The following CFAP47 variants were observed in gnomAD, a reference collection of about 807,000 sequenced individuals.
CFAP47 encodes cilia and flagella associated protein 47, also known as cilia- and flagella-associated protein 47.
CFAP47 carries 29 observed loss-of-function variants against 148.1 expected under a neutral mutation model. The ratio of observed to expected loss-of-function variants is 0.20; its 90% CI spans 0.15 to 0.27. CFAP47 has a LOEUF of 0.27. CFAP47 is among the 10% of genes least tolerant of loss of function. The probability of loss-of-function intolerance (pLI) is 1.00; values close to 1 mark genes in which losing one functional copy is unlikely to be tolerated. For missense variants in CFAP47, 1,872 were observed against 1,697.5 expected, an observed-to-expected ratio of 1.10 and a Z score of -1.81; for synonymous variants, 664 against 577.3, an observed-to-expected ratio of 1.15 and a Z score of -2.15.
chrX:36,325,031 C>T (rs1941506721), intron 57 of CFAP47, among the ~76,000 whole-genome samples: 1 of 111,254 alleles, frequency 9.0e-6, no homozygotes, highest in Non-Finnish European at 1.9e-5. Flanking sequence ...TTCCTTTTGA[C>T]ATTCCTAATC....
intron 37 of CFAP47, 48 bp from the exon 38 acceptor site, chrX:36,159,378 G>A (rs1427700588): frequency 6.8e-6 from 2 of 293,817 alleles, no homozygotes; most frequent in Admixed American, 6.2e-5. Context: ...ATGCTTGTAA[G>A]TTGTCTTTTT....
intron 45 of CFAP47, among the ~76,000 whole-genome samples, chrX:36,207,463 T>G (rs1402688431): frequency 5.4e-5 from 6 of 111,054 alleles, no homozygotes; most frequent in African/African-American, 2.0e-4. Context: ...AAGAAGCTAG[T>G]TTTAAGGTAT....
intron 48 of CFAP47, among the ~76,000 whole-genome samples, chrX:36,251,048 A>G (rs1555998123): frequency 2.7e-5 from 3 of 111,599 alleles, no homozygotes; most frequent in Non-Finnish European, 5.7e-5. Flanking sequence ...CTAAGCATCA[A>G]TGATCTTGAT....
At chrX:36,177,055 T>C (rs1204271026) in intron 39 of CFAP47, among the ~76,000 whole-genome samples, 1 of 112,428 alleles carries the variant, frequency 8.9e-6, no homozygotes, top group Non-Finnish European at 1.9e-5. Context: ...TGAACACACT[T>C]TAAGTAATTA....
chrX:35,961,882 T>C (rs1365794817), intron 8 of CFAP47, among the ~76,000 whole-genome samples: 1 of 111,670 alleles, frequency 9.0e-6, no homozygotes, highest in East Asian at 2.8e-4. Context: ...TACTTTGTTC[T>C]GTTTTCAAAT....
At chrX:36,175,183 A>T (rs1481328317) in intron 39 of CFAP47, among the ~76,000 whole-genome samples, 1 of 110,470 alleles carries the variant, frequency 9.1e-6, no homozygotes, top group Admixed American at 9.6e-5. Flanking sequence ...TGTATTGGTT[A>T]TTCTAGTTAT....
intron 51 of CFAP47, among the ~76,000 whole-genome samples, chrX:36,290,835 A>T (rs1015972881): frequency 1.8e-5 from 2 of 112,412 alleles, no homozygotes; most frequent in East Asian, 5.6e-4. Context: ...AGTCTTGAGT[A>T]AAGTGTGTGT....
At chrX:35,926,744 A>G (rs1223550092) in intron 2 of CFAP47, among the ~76,000 whole-genome samples, 1 of 111,663 alleles carries the variant, frequency 9.0e-6, no homozygotes, top group Non-Finnish European at 1.9e-5. Context: ...TGGTTTCCAT[A>G]GGTGTTTTCT....
intron 29 of CFAP47, among the ~76,000 whole-genome samples, chrX:36,084,272 G>A (rs6632475): frequency 0.26 from 28,080 of 110,065 alleles, 4,910 homozygotes; most frequent in African/African-American, 0.62. Flanking sequence ...GTTCATTTTA[G>A]TTTGCATTAA....
chrX:36,274,959 G>A (rs902776808), intron 49 of CFAP47, among the ~76,000 whole-genome samples: 2 of 111,774 alleles, frequency 1.8e-5, no homozygotes, highest in African/African-American at 6.5e-5. Context: ...ATGATGTTAC[G>A]TGTGAGTTTA....
At chrX:36,295,992 C>G (rs868969006) in intron 51 of CFAP47, among the ~76,000 whole-genome samples, 1 of 111,727 alleles carries the variant, frequency 9.0e-6, no homozygotes, top group Non-Finnish European at 1.9e-5. Context: ...TAATTTGATT[C>G]CAGAGATTTT....
intron 51 of CFAP47, 77 bp downstream of exon 51, chrX:36,285,803 A>G: frequency 1.3e-6 from 1 of 762,761 alleles, no homozygotes; most frequent in Non-Finnish European, 1.9e-6. Context: ...TAAATTATTT[A>G]CTATCCCTTA....
At chrX:36,154,526 A>G (rs1939344093) in intron 37 of CFAP47, among the ~76,000 whole-genome samples, 1 of 112,133 alleles carries the variant, frequency 8.9e-6, no homozygotes, top group African/African-American at 3.2e-5. Flanking sequence ...CTACAGCTTT[A>G]TTCTTTTGAG....
chrX:36,367,239 A>G (rs1464486003), intron 62 of CFAP47, 112 bp downstream of exon 62: 1 of 495,891 alleles, frequency 2.0e-6, no homozygotes, highest in Non-Finnish European at 3.0e-6. Flanking sequence ...AGCCAGCGCA[A>G]CATTGGTTCT....
chrX:35,954,436 A>G (rs1445402874), intron 7 of CFAP47, among the ~76,000 whole-genome samples: 1 of 111,389 alleles, frequency 9.0e-6, no homozygotes, highest in African/African-American at 3.3e-5. Context: ...GATATTGAGC[A>G]GGATTTAACT....
At chrX:36,029,053 C>G (rs1026545142) in intron 22 of CFAP47, among the ~76,000 whole-genome samples, 2 of 110,554 alleles carry the variant, frequency 1.8e-5, no homozygotes, top group Non-Finnish European at 3.8e-5. Flanking sequence ...ATTACTGATT[C>G]AATGTCTTTA....
intron 35 of CFAP47, among the ~76,000 whole-genome samples, chrX:36,142,970 A>C (rs1261267576): frequency 9.0e-6 from 1 of 111,461 alleles, no homozygotes; most frequent in Non-Finnish European, 1.9e-5. Context: ...TTCTTCACTT[A>C]AAAATTTACC....
chrX:36,036,379 G>A (rs142240595), intron 24 of CFAP47, among the ~76,000 whole-genome samples: 1,760 of 109,954 alleles, frequency 0.016, 43 homozygotes, highest in African/African-American at 0.056. Flanking sequence ...TTTGGAAAGG[G>A]CAGGATTTTC....
chrX:35,936,411 T>C (rs1047676728), intron 2 of CFAP47, among the ~76,000 whole-genome samples: 10 of 109,484 alleles, frequency 9.1e-5, no homozygotes, highest in Non-Finnish European at 1.5e-4. Flanking sequence ...TATTCATTAG[T>C]TTCAAAAAAA....
Sources: allele counts gnomAD v4.1 joint callset (sites outside exome capture counted in the v4.1 genomes callset), GRCh38; gene constraint gnomAD v4.1.1; transcripts MANE v1.5; gene names NCBI Gene and HGNC (gene_info 2026-07-23, HGNC 2026-07-21).